Variants in SLC22A15 observed in about 807,000 individuals in gnomAD.
SLC22A15 encodes solute carrier family 22 member 15, also known as flipt 1.
In SLC22A15, 45 loss-of-function variants were observed where a neutral mutation model predicts 62.7. That is an observed-to-expected ratio of 0.72 (90% CI 0.56 to 0.92). The LOEUF is 0.92. SLC22A15 is among the 40% of genes least tolerant of loss of function. The probability of loss-of-function intolerance (pLI) is 0.00; values close to 1 mark genes in which losing one functional copy is unlikely to be tolerated. For synonymous variants in SLC22A15, 264 were observed against 267.0 expected (o/e 0.99, Z 0.11); for missense variants, 622 against 665.6 (o/e 0.93, Z 0.72).
At chr1:116,045,267 G>C (rs1657900427) in intron 8 of SLC22A15, among the ~76,000 whole-genome samples, 2 of 151,594 alleles carry the variant, frequency 1.3e-5, no homozygotes, top group African/African-American at 4.8e-5. Context: ...GGCTGGTCTC[G>C]AACTCCTGAT....
intron 8 of SLC22A15, among the ~76,000 whole-genome samples, chr1:116,044,190 A>T (rs1657868224): frequency 6.6e-6 from 1 of 152,248 alleles, no homozygotes; most frequent in Non-Finnish European, 1.5e-5. Context: ...ATTAATATGG[A>T]TGTAAAAATC....
chr1:116,060,358 C>G (rs1658349105), intron 8 of SLC22A15, among the ~76,000 whole-genome samples: 1 of 152,178 alleles, frequency 6.6e-6, no homozygotes, highest in Non-Finnish European at 1.5e-5. Context: ...ATTCTGTGGA[C>G]ATGTAGCTGG....
chr1:115,981,698 A>T (rs932672514), intron 1 of SLC22A15, among the ~76,000 whole-genome samples: 9 of 152,192 alleles, frequency 5.9e-5, no homozygotes, highest in Non-Finnish European at 1.0e-4. Context: ...TTGAGCCTGG[A>T]TGTCTCAAGA....
intron 2 of SLC22A15, among the ~76,000 whole-genome samples, chr1:116,002,461 T>C (rs1655791084): frequency 6.6e-6 from 1 of 152,110 alleles, no homozygotes. Flanking sequence ...CCAGGGTGGG[T>C]CTGGAAATGC....
At chr1:116,039,281 C>G (rs1557901686) in intron 8 of SLC22A15, among the ~76,000 whole-genome samples, 2 of 152,164 alleles carry the variant, frequency 1.3e-5, no homozygotes, top group Admixed American at 6.5e-5. Context: ...CACCTGTAAT[C>G]CCAGCACTTT....
chr1:116,063,336 G>A (rs904823744), intron 9 of SLC22A15, among the ~76,000 whole-genome samples: 2 of 152,160 alleles, frequency 1.3e-5, no homozygotes, highest in Non-Finnish European at 2.9e-5. Context: ...AACAGCAATT[G>A]TTAAAACTGG....
intron 8 of SLC22A15, among the ~76,000 whole-genome samples, chr1:116,043,868 C>T (rs1657856883): frequency 6.6e-6 from 1 of 152,080 alleles, no homozygotes; most frequent in South Asian, 2.1e-4. Context: ...GGGCAAATTT[C>T]TTGAAAGATT....
At chr1:116,032,485 A>G (rs1570754442) in intron 6 of SLC22A15, 6 of 985,438 alleles carry the variant, frequency 6.1e-6, no homozygotes, top group South Asian at 9.4e-5. Flanking sequence ...AAGTGATTTT[A>G]TATGAAAGTG....
At chr1:116,018,142 T>A (rs1209469364) in intron 2 of SLC22A15, among the ~76,000 whole-genome samples, 1 of 152,190 alleles carries the variant, frequency 6.6e-6, no homozygotes, top group East Asian at 1.9e-4. Context: ...AAACTGAAAC[T>A]CTGTTCCATT....
intron 1 of SLC22A15, among the ~76,000 whole-genome samples, chr1:115,983,939 C>G (rs569488906): frequency 1.3e-5 from 2 of 152,288 alleles, no homozygotes; most frequent in South Asian, 2.1e-4. Context: ...AAAATGTCTC[C>G]TGTGGCCCAC....
At chr1:116,048,000 G>C (rs565906964) in intron 8 of SLC22A15, among the ~76,000 whole-genome samples, 10 of 152,086 alleles carry the variant, frequency 6.6e-5, no homozygotes, top group Non-Finnish European at 1.2e-4. Flanking sequence ...TCTAAGACAA[G>C]GTTTTTGAAT....
chr1:115,988,363 T>C (rs990441170), intron 1 of SLC22A15, among the ~76,000 whole-genome samples: 2 of 152,132 alleles, frequency 1.3e-5, no homozygotes, highest in Non-Finnish European at 2.9e-5. Context: ...GGGAAAGGAA[T>C]ACTATGTGAG....
chr1:115,999,982 G>A (rs1354570372), intron 2 of SLC22A15, among the ~76,000 whole-genome samples: 2 of 151,764 alleles, frequency 1.3e-5, no homozygotes, highest in African/African-American at 4.8e-5. Flanking sequence ...TTTATTTTCA[G>A]TCTATGTGTA....
chr1:116,052,751 A>G (rs916914180), intron 8 of SLC22A15, among the ~76,000 whole-genome samples: 4 of 152,194 alleles, frequency 2.6e-5, no homozygotes, highest in African/African-American at 9.7e-5. Context: ...CGGTTCACGA[A>G]AATCTACTGT....
At chr1:115,984,114 A>C (rs965732951) in intron 1 of SLC22A15, among the ~76,000 whole-genome samples, 3 of 152,262 alleles carry the variant, frequency 2.0e-5, no homozygotes, top group African/African-American at 7.2e-5. Context: ...TTGAGTAAAT[A>C]CTAGCAGACA....
rs550905253 is a variant in SLC22A15 at position 116,039,540 on chromosome 1, A to G, written c.1171+2152A>G. 9.9e-5 allele frequency among the ~76,000 whole-genome samples: 15 copies of G among 151,710 alleles called. No individual in the cohort carries two copies. The East Asian group carries it at 1.7e-3, about 18-fold the overall frequency. ...AAGAGCAAAATTCTGTCTCAATTTAAAAAAAAAGATTTCCAGGGAAATTAT... is the reference window on the plus strand; with the variant it reads ...AAGAGCAAAATTCTGTCTCAATTTAGAAAAAAAGATTTCCAGGGAAATTAT... On this transcript the variant is annotated intron_variant, in intron 8 of 11. Transcript: ENST00000369503.
Position 116,069,276 on chromosome 1 carries a change from T to G in SLC22A15, c.*2168T>G, listed in dbSNP as rs1322797066. 1 of 152,218 alleles carries G rather than the reference T, an allele frequency of 6.6e-6. No homozygotes were observed. The highest frequency in any genetic ancestry group is 1.5e-5 in the Non-Finnish European group (1 of 68,038). 9.4% of individuals were successfully genotyped at this position (152,218 alleles called of 1,614,324 possible). On this transcript the variant is annotated 3_prime_UTR_variant, in exon 12 of 12. Coordinates refer to ENST00000369503, the MANE Select transcript of SLC22A15 (RefSeq NM_018420.3). ...TCCTTGAGCAAAACTTAATAATTAC[T>G]GTTTTTTATTTCCACTGCCTTTATA...
At chr1:116,055,677 T>A (rs144957018) in intron 8 of SLC22A15, among the ~76,000 whole-genome samples, 7,495 of 151,888 alleles carry the variant, frequency 0.049, 251 homozygotes, top group African/African-American at 0.089. Flanking sequence ...GCAAACTGAA[T>A]CCAGCAGCAC....
At position 116,019,613 on chromosome 1, in the gene SLC22A15, T is replaced by G. The variant is rs1318775964; in HGVS notation, c.332T>G (p.Val111Gly). 1.9e-6 allele frequency: 3 copies of G among 1,611,582 alleles called. No individual in the cohort carries two copies. The Admixed American group carries it at 5.0e-5, about 27-fold the overall frequency. ...TTAATTGCCAACAGATCCTACAAAG[T>G]CAGTGCAGCAAGCTCTTTTTTCTTC... ...WFLIANRSYKVSAASSFFFSG... is the reference protein window; with the variant it reads ...WFLIANRSYKGSAASSFFFSG... The change falls in exon 3 of 12, where the codon GTC (valine) becomes GGC (glycine). Residue 111 changes from valine to glycine, a missense_variant. By Grantham distance (109) the Val-to-Gly change is moderately radical. Transcript: ENST00000369503.
Sources: allele counts gnomAD v4.1 joint callset (sites outside exome capture counted in the v4.1 genomes callset), GRCh38; gene constraint gnomAD v4.1.1; transcripts MANE v1.5; gene names NCBI Gene and HGNC (gene_info 2026-07-23, HGNC 2026-07-21).